GCFC2: variants seen among roughly 807,000 people sequenced by gnomAD.
GCFC2 encodes GC-rich sequence DNA-binding factor 2.
A neutral mutation model predicts 99.4 loss-of-function variants in GCFC2; 102 were observed. The ratio of observed to expected loss-of-function variants is 1.03; its 90% confidence interval spans 0.87 to 1.21. The LOEUF (loss-of-function observed/expected upper bound fraction) is 1.21, where lower values mean the gene tolerates loss of function less well. Ranked by LOEUF, GCFC2 falls within the 50% of genes most tolerant of loss-of-function variation. GCFC2 has a pLI of 0.00. For synonymous variants in GCFC2, 338 were observed against 316.8 expected (o/e 1.07, Z -0.71); for missense variants, 973 against 920.9 (o/e 1.06, Z -0.73).
intron 3 of GCFC2, among the ~76,000 whole-genome samples, chr2:75,701,601 C>G (rs998760269): frequency 6.6e-6 from 1 of 152,166 alleles, no homozygotes; most frequent in African/African-American, 2.4e-5. Flanking sequence ...TTGTAAAAAA[C>G]TGAGAAAGAA....
At chr2:75,665,470 A>T (rs1239665441) in intron 16 of GCFC2, among the ~76,000 whole-genome samples, 1 of 151,934 alleles carries the variant, frequency 6.6e-6, no homozygotes, top group Non-Finnish European at 1.5e-5. Flanking sequence ...GGGCTTAAAA[A>T]TTTTTTTTGG....
At chr2:75,686,937 A>AT (rs58869655) in intron 11 of GCFC2, among the ~76,000 whole-genome samples, 73,582 of 147,708 alleles carry the variant, frequency 0.5, 19,574 homozygotes, top group African/African-American at 0.73. Flanking sequence ...AAATGAAGCA[A>AT]TTTTTTTTTT....
rs1423424934 is a variant in GCFC2 at position 75,664,030 on chromosome 2, T to A, written c.*636A>T. 2 of 152,210 alleles carry A rather than the reference T, an allele frequency of 1.3e-5. No homozygotes were observed. The highest frequency in any genetic ancestry group is 2.9e-5 in the Non-Finnish European group (2 of 68,046). 9.4% of individuals were successfully genotyped at this position (152,210 alleles called of 1,614,324 possible). ...AAATGGCCAAAACCAATATGTTTAC[T>A]CTCTAATAGCCAACACAAAATACGC... On this transcript the variant is annotated 3_prime_UTR_variant, in exon 17 of 17. Coordinates refer to ENST00000321027, the MANE Select transcript of GCFC2 (RefSeq NM_003203.5).
intron 7 of GCFC2, 28 bp downstream of exon 7, chr2:75,691,949 A>T: frequency 7.8e-7 from 1 of 1,276,680 alleles, no homozygotes; most frequent in Non-Finnish European, 1.1e-6. Context: ...ATGAATAATA[A>T]ATTGTATGGA....
At position 75,687,816 on chromosome 2, in the gene GCFC2, C is replaced by A. The variant is rs779698698; in HGVS notation, c.1690+11G>T. Reference sequence around the variant, plus strand: ...AAATAATTTAATTTTACCAAGGTTACGAAGCAGTACCTGTAAGTCGGGGAA... The same window carrying A: ...AAATAATTTAATTTTACCAAGGTTAAGAAGCAGTACCTGTAAGTCGGGGAA... On this transcript the variant is annotated intron_variant, in intron 11 of 16. Transcript: ENST00000321027. 12 of 1,590,134 alleles carry A rather than the reference C, an allele frequency of 7.5e-6. No individual in the cohort carries two copies. The highest frequency in any genetic ancestry group is 9.4e-6 in the Non-Finnish European group (11 of 1,167,556).
At chr2:75,707,366 T>C (rs553677968) in intron 1 of GCFC2, among the ~76,000 whole-genome samples, 9 of 152,098 alleles carry the variant, frequency 5.9e-5, no homozygotes, top group Non-Finnish European at 1.3e-4. Flanking sequence ...GTTGTGAAAA[T>C]TGAATGAACA....
intron 4 of GCFC2, among the ~76,000 whole-genome samples, chr2:75,698,370 A>G (rs1289144032): frequency 6.6e-6 from 1 of 152,208 alleles, no homozygotes; most frequent in Non-Finnish European, 1.5e-5. Context: ...AAATAATTAA[A>G]TATTCACTGA....
chr2:75,681,534 CTTTT>C (rs568994356), intron 11 of GCFC2, among the ~76,000 whole-genome samples: 6 of 151,034 alleles, frequency 4.0e-5, no homozygotes, highest in African/African-American at 7.4e-5. Context: ...TAGCTGCAGG[CTTTT>C]TTTTTAATTT....
intron 11 of GCFC2, among the ~76,000 whole-genome samples, chr2:75,687,232 A>G (rs1679859536): frequency 6.6e-6 from 1 of 152,158 alleles, no homozygotes; most frequent in African/African-American, 2.4e-5. Flanking sequence ...CACCACTCCC[A>G]GATGAAGCAA....
intron 7 of GCFC2, among the ~76,000 whole-genome samples, chr2:75,691,438 C>T (rs1680063830): frequency 6.6e-6 from 1 of 151,996 alleles, no homozygotes; most frequent in Non-Finnish European, 1.5e-5. Context: ...ATTTATGATC[C>T]ACTAAGGGTT....
At chr2:75,688,645 C>T (rs188241957) in intron 10 of GCFC2, among the ~76,000 whole-genome samples, 6 of 152,186 alleles carry the variant, frequency 3.9e-5, no homozygotes, top group Admixed American at 2.6e-4. Context: ...GCTTGCATTC[C>T]ACCTTCTCAA....
chr2:75,696,692 T>G (rs1457405133), intron 4 of GCFC2, among the ~76,000 whole-genome samples: 1 of 152,232 alleles, frequency 6.6e-6, no homozygotes, highest in Non-Finnish European at 1.5e-5. Flanking sequence ...ATGATAGAAG[T>G]ACCTATTTAA....
In GCFC2 at chr2:75,689,114, G is replaced by A; in HGVS notation, c.1451C>T (p.Ser484Phe). 1 of 1,594,498 alleles carries A rather than the reference G, an allele frequency of 6.3e-7. No homozygotes were observed. The highest frequency in any genetic ancestry group is 8.6e-7 in the Non-Finnish European group (1 of 1,163,442). Residue 484 changes from serine (S) to phenylalanine (F), a missense_variant, in exon 10 of 17, where the codon TCC (serine) becomes TTC (phenylalanine). Transcript: ENST00000321027. ...TAAACTAATGAAAGCTTCATAATAG[G>A]AGTCAGGAAACTTTTCTCGCCATTG... is the stretch of plus-strand genomic sequence containing the variant. The part of the protein sequence containing the change: ...FQQWREKFPD[S>F]YYEAFISLCI...
At chr2:75,690,273 G>A (rs1680004675) in intron 8 of GCFC2, among the ~76,000 whole-genome samples, 192 bp from the exon 9 acceptor site, 1 of 152,092 alleles carries the variant, frequency 6.6e-6, no homozygotes. Context: ...ATTAGTTTGA[G>A]TTGGTGGTTC....
chr2:75,677,782 T>G (rs1412972857), intron 12 of GCFC2, among the ~76,000 whole-genome samples: 1 of 152,102 alleles, frequency 6.6e-6, no homozygotes, highest in Non-Finnish European at 1.5e-5. Flanking sequence ...ATCAATACCA[T>G]CCTGGCTAAT....
At position 75,685,063 on chromosome 2, in the gene GCFC2, G is replaced by A. The variant is rs575754214; in HGVS notation, c.1690+2764C>T. ...CATCACACACCGGGGCCTTTTGGGG[G>A]TCAGGGGACTGGGGTGGGATAGCAT... On this transcript the variant is annotated intron_variant, in intron 11 of 16. Transcript: ENST00000321027. 5.9e-5 allele frequency among the ~76,000 whole-genome samples: 9 copies of A among 152,202 alleles called. No individual in the cohort carries two copies. The East Asian group carries it at 1.7e-3, about 29-fold the overall frequency.
intron 12 of GCFC2, among the ~76,000 whole-genome samples, chr2:75,676,436 A>C (rs553089373): frequency 1.3e-5 from 2 of 151,244 alleles, no homozygotes; most frequent in South Asian, 4.2e-4. Flanking sequence ...TCCACATGAC[A>C]ATTTTCTAGA....
intron 1 of GCFC2, among the ~76,000 whole-genome samples, chr2:75,709,559 G>A (rs1681031899): frequency 6.6e-6 from 1 of 152,176 alleles, no homozygotes; most frequent in African/African-American, 2.4e-5. Flanking sequence ...ACTGAGTGAG[G>A]TTGAGGGTAG....
chr2:75,671,130 A>C (rs1403762726), intron 14 of GCFC2, among the ~76,000 whole-genome samples: 2 of 152,136 alleles, frequency 1.3e-5, no homozygotes, highest in Non-Finnish European at 2.9e-5. Context: ...AAAATCTTTC[A>C]TTTAGCTTCC....
Sources: allele counts gnomAD v4.1 joint callset (sites outside exome capture counted in the v4.1 genomes callset), GRCh38; gene constraint gnomAD v4.1.1; transcripts MANE v1.5; gene names NCBI Gene and HGNC (gene_info 2026-07-23, HGNC 2026-07-21).